NCAM1: variants seen among roughly 807,000 people sequenced by gnomAD.
NCAM1 encodes the protein antigen recognized by monoclonal antibody 5.1H11.
NCAM1 carries 14 observed loss-of-function variants against 109.8 expected under a neutral mutation model. The observed-to-expected ratio is 0.13, with a 90% CI of 0.08 to 0.20. The LOEUF (loss-of-function observed/expected upper bound fraction) is 0.20. Ranked by LOEUF, NCAM1 falls within the 10% of genes least tolerant of loss-of-function variation. The pLI, the probability that NCAM1 is intolerant of heterozygous loss-of-function variation, is 1.00. For missense variants in NCAM1, 774 were observed against 1,109.9 expected (o/e 0.70, Z 4.30); for synonymous variants, 418 against 442.9 (o/e 0.94, Z 0.70).
At chr11:113,131,134 C>G (rs1184098738) in intron 1 of NCAM1, among the ~76,000 whole-genome samples, 1 of 152,206 alleles carries the variant, frequency 6.6e-6, no homozygotes, top group Non-Finnish European at 1.5e-5. Flanking sequence ...ACCTTGTGGT[C>G]TGATCCAAGA....
At chr11:113,071,066 A>G (rs1416184828) in intron 1 of NCAM1, among the ~76,000 whole-genome samples, 2 of 152,174 alleles carry the variant, frequency 1.3e-5, no homozygotes, top group East Asian at 3.9e-4. Context: ...CTGAAGAACT[A>G]AGGCTGAAGG....
At chr11:113,222,828 A>G (rs958979048) in intron 9 of NCAM1, among the ~76,000 whole-genome samples, 1 of 152,202 alleles carries the variant, frequency 6.6e-6, no homozygotes, top group Non-Finnish European at 1.5e-5. Flanking sequence ...TCTGTTTTTC[A>G]GAAGTGTCCT....
At chr11:113,229,731 C>T (rs772401992) in intron 9 of NCAM1, among the ~76,000 whole-genome samples, 2 of 152,190 alleles carry the variant, frequency 1.3e-5, no homozygotes, top group African/African-American at 2.4e-5. Flanking sequence ...GGCACATATA[C>T]ACCATGGAAT....
chr11:113,049,324 T>TC (rs1189615553), intron 1 of NCAM1, among the ~76,000 whole-genome samples: 1 of 152,212 alleles, frequency 6.6e-6, no homozygotes, highest in East Asian at 1.9e-4. Flanking sequence ...CCGGGCCTGA[T>TC]TCATCCTGAT....
At chr11:113,173,092 G>A (rs1555106510) in intron 1 of NCAM1, among the ~76,000 whole-genome samples, 2 of 152,068 alleles carry the variant, frequency 1.3e-5, no homozygotes, top group Non-Finnish European at 2.9e-5. Flanking sequence ...GCTTCTCGTT[G>A]TACCCTCCCT....
intron 1 of NCAM1, among the ~76,000 whole-genome samples, chr11:113,044,195 A>G (rs1383371572): frequency 1.3e-5 from 2 of 151,898 alleles, no homozygotes; most frequent in Non-Finnish European, 2.9e-5. Flanking sequence ...ATATCAGGCT[A>G]TTGTCTGAAC....
intron 17 of NCAM1, among the ~76,000 whole-genome samples, chr11:113,260,905 A>G (rs1945973368): frequency 6.6e-6 from 1 of 152,220 alleles, no homozygotes; most frequent in Non-Finnish European, 1.5e-5. Flanking sequence ...GCTGGAAAGC[A>G]CCATCAATGA....
intron 8 of NCAM1, among the ~76,000 whole-genome samples, chr11:113,219,604 T>G (rs1943092640): frequency 6.6e-6 from 1 of 152,240 alleles, no homozygotes; most frequent in Non-Finnish European, 1.5e-5. Context: ...AGGGCCGAGA[T>G]ATTTCCTATC....
At chr11:113,122,196 G>C (rs1196493968) in intron 1 of NCAM1, among the ~76,000 whole-genome samples, 1 of 152,222 alleles carries the variant, frequency 6.6e-6, no homozygotes, top group East Asian at 1.9e-4. Context: ...GTTTTTGTGA[G>C]AGCAAAACTT....
intron 1 of NCAM1, among the ~76,000 whole-genome samples, chr11:112,991,893 C>G (rs571514101): frequency 6.6e-6 from 1 of 152,102 alleles, no homozygotes; most frequent in African/African-American, 2.4e-5. Flanking sequence ...ACATCTGTTT[C>G]CTGCCTCATT....
intron 1 of NCAM1, among the ~76,000 whole-genome samples, chr11:112,989,145 C>G (rs1940718): frequency 6.6e-6 from 1 of 151,828 alleles, no homozygotes; most frequent in African/African-American, 2.4e-5. Flanking sequence ...GATGTGTGTA[C>G]CTCTTATGAG....
chr11:113,277,570 C>T lies in NCAM1; in HGVS notation c.*2183C>T. On this transcript the variant is annotated 3_prime_UTR_variant, in exon 20 of 20. Coordinates refer to ENST00000316851, the MANE Select transcript of NCAM1 (RefSeq NM_181351.5). ...TCTGGTCACCAGGCTGTTCAGTGGA[C>T]TCAGTTCTTCATCTTGTAATGTCGA... The T allele has an allele frequency of 5.0e-6, 2 of 397,320 alleles. No homozygotes were observed. Among genetic ancestry groups the T allele is most frequent in the Non-Finnish European group, 8.9e-6 (2 of 225,784 alleles). 24.6% of individuals were successfully genotyped at this position (397,320 alleles called of 1,614,324 possible).
chr11:113,218,559 A>T (rs1479894464), intron 8 of NCAM1, among the ~76,000 whole-genome samples: 1 of 152,228 alleles, frequency 6.6e-6, no homozygotes, highest in Admixed American at 6.5e-5. Context: ...GTTCTTGTTC[A>T]TTATAAAAGA....
At chr11:113,065,129 G>A (rs1346237159) in intron 1 of NCAM1, among the ~76,000 whole-genome samples, 1 of 152,116 alleles carries the variant, frequency 6.6e-6, no homozygotes, top group African/African-American at 2.4e-5. Flanking sequence ...GTCTGTTAAA[G>A]GGACACAGAA....
intron 17 of NCAM1, chr11:113,269,943 G>C (rs1280156766): frequency 3.6e-6 from 2 of 561,492 alleles, no homozygotes; most frequent in Non-Finnish European, 6.4e-6. Flanking sequence ...GAGGCCAGCT[G>C]ACCAGGCTCA....
chr11:113,122,818 T>A (rs1591345583), intron 1 of NCAM1, among the ~76,000 whole-genome samples: 1 of 152,072 alleles, frequency 6.6e-6, no homozygotes, highest in African/African-American at 2.4e-5. Context: ...GAACTCAGGG[T>A]TGTCTAGTTT....
chr11:112,968,145 A>C (rs720023), intron 1 of NCAM1, among the ~76,000 whole-genome samples: 1 of 151,972 alleles, frequency 6.6e-6, no homozygotes, highest in Non-Finnish European at 1.5e-5. Flanking sequence ...TAGAGGTTGT[A>C]TGTGTAGTGC....
intron 1 of NCAM1, among the ~76,000 whole-genome samples, chr11:113,188,770 C>T (rs1366021938): frequency 6.6e-6 from 1 of 152,016 alleles, no homozygotes; most frequent in Non-Finnish European, 1.5e-5. Context: ...ACTAACATTC[C>T]CAGGGGGAAT....
At position 113,270,203 on chromosome 11, in the gene NCAM1, C is replaced by G. The variant is rs201646237; in HGVS notation, c.2147C>G (p.Thr716Ser). The change falls in exon 18 of 20, where the codon ACC becomes AGC. Residue 716 changes from threonine to serine, a missense_variant. By Grantham distance (58) the Thr-to-Ser change is moderately conservative. This residue lies in a region of NCAM1 where 523 missense variants were observed against 784.2 expected (regional missense o/e 0.67). Transcript: ENST00000316851. ...PTAIPANGSP[T>S]SGLSTGAIVG... is the part of the protein sequence containing the mutation. Reference sequence around the variant, plus strand: ...CCCACTCAAGCCAACGGCAGCCCCACCTCAGGCCTGAGCACCGGGGCCATC... The same window carrying G: ...CCCACTCAAGCCAACGGCAGCCCCAGCTCAGGCCTGAGCACCGGGGCCATC... 6 of 1,613,912 alleles carry G rather than the reference C, an allele frequency of 3.7e-6. No individual in the cohort carries two copies. Among genetic ancestry groups the G allele is most frequent in the Non-Finnish European group, 5.1e-6 (6 of 1,179,910 alleles).
Sources: gnomAD v4.1 joint callset for allele counts (sites outside exome capture counted in the v4.1 genomes callset) on GRCh38, gnomAD v4.1.1 for gene constraint, gnomAD v4.1.1 regional missense constraint, MANE v1.5 for transcripts, NCBI Gene and HGNC (gene_info 2026-07-23, HGNC 2026-07-21) for gene names.